Variants in RAD51B observed in about 807,000 individuals in gnomAD.
RAD51B encodes RAD51 paralog B.
A neutral mutation model predicts 42.2 loss-of-function variants in RAD51B; 38 were observed. The observed-to-expected ratio is 0.90, with a 90% confidence interval of 0.70 to 1.18. The LOEUF is 1.18. Ranked by LOEUF, RAD51B falls within the 50% of genes most tolerant of loss-of-function variation. RAD51B has a pLI of 0.00. For synonymous variants in RAD51B, 154 were observed against 145.2 expected, an observed-to-expected ratio of 1.06 and a Z score of -0.43; for missense variants, 373 against 400.7, an observed-to-expected ratio of 0.93 and a Z score of 0.59.
chr14:68,621,086 A>G (rs1048086162), intron 10 of RAD51B, among the ~76,000 whole-genome samples: 2 of 152,252 alleles, frequency 1.3e-5, no homozygotes, highest in Admixed American at 1.3e-4. Context: ...CCCTCATTGG[A>G]TTCTCTCACT....
chr14:68,128,536 A>T (rs932205340), intron 7 of RAD51B, among the ~76,000 whole-genome samples: 4 of 152,174 alleles, frequency 2.6e-5, no homozygotes, highest in African/African-American at 9.7e-5. Context: ...ACCAGAAAAT[A>T]CAAAAAATAG....
downstream of RAD51B, among the ~76,000 whole-genome samples, chr14:68,600,639 C>A (rs1240442451): frequency 1.3e-5 from 2 of 152,210 alleles, no homozygotes; most frequent in African/African-American, 2.4e-5. Flanking sequence ...TCCTTCCTTT[C>A]ATGGCCTGAT....
intron 5 of RAD51B, among the ~76,000 whole-genome samples, chr14:67,881,536 C>T (rs1451452947): frequency 6.6e-6 from 1 of 152,176 alleles, no homozygotes; most frequent in Non-Finnish European, 1.5e-5. Context: ...AAGTTCTAGC[C>T]ACCTTAGCTT....
chr14:68,288,087 AC>A (rs1484784828), intron 7 of RAD51B, among the ~76,000 whole-genome samples: 2 of 152,128 alleles, frequency 1.3e-5, no homozygotes, highest in Admixed American at 6.6e-5. Context: ...CAGCAGGAAA[AC>A]CCCATGAAGC....
chr14:68,436,447 G>A (rs1488203167), intron 9 of RAD51B, among the ~76,000 whole-genome samples: 1 of 152,098 alleles, frequency 6.6e-6, no homozygotes, highest in Non-Finnish European at 1.5e-5. Flanking sequence ...TTAAAGTCAG[G>A]TAATGTGATG....
At chr14:68,615,470 C>T (rs190111951), downstream of RAD51B, among the ~76,000 whole-genome samples, 21 of 152,192 alleles carry the variant, frequency 1.4e-4, no homozygotes, top group East Asian at 5.8e-4. Context: ...TTCAGCCTCC[C>T]GAGTAGCTGG....
At chr14:68,655,163 G>A (rs1012338170) in intron 11 of RAD51B, among the ~76,000 whole-genome samples, 7 of 152,012 alleles carry the variant, frequency 4.6e-5, no homozygotes, top group African/African-American at 7.3e-5. Flanking sequence ...ATGTGTGTGC[G>A]CCAGCTAGCT....
At chr14:68,107,390 G>A (rs1159640122) in intron 7 of RAD51B, among the ~76,000 whole-genome samples, 1 of 151,732 alleles carries the variant, frequency 6.6e-6, no homozygotes, top group African/African-American at 2.4e-5. Flanking sequence ...CATGAATCAG[G>A]AGACTTAATA....
At chr14:68,382,405 A>G (rs936993237) in intron 8 of RAD51B, among the ~76,000 whole-genome samples, 2 of 152,232 alleles carry the variant, frequency 1.3e-5, no homozygotes, top group African/African-American at 4.8e-5. Flanking sequence ...CATCAGCGCC[A>G]TAAGATATTT....
intron 11 of RAD51B, among the ~76,000 whole-genome samples, chr14:68,657,849 G>A (rs1892849372): frequency 6.6e-6 from 1 of 152,232 alleles, no homozygotes; most frequent in African/African-American, 2.4e-5. Flanking sequence ...TGGTGAGCCT[G>A]GTGGACCCAG....
chr14:68,032,261 C>G (rs2076058987), intron 7 of RAD51B, among the ~76,000 whole-genome samples: 2 of 152,122 alleles, frequency 1.3e-5, no homozygotes, highest in South Asian at 4.2e-4. Context: ...CTAGTGGCTC[C>G]TAACCTTATT....
intron 7 of RAD51B, among the ~76,000 whole-genome samples, chr14:67,927,183 A>G (rs886827265): frequency 6.6e-6 from 1 of 152,166 alleles, no homozygotes; most frequent in African/African-American, 2.4e-5. Context: ...TTTAAATAGG[A>G]CACCTTATAT....
At chr14:68,671,457 C>A (rs1431742194) in intron 11 of RAD51B, among the ~76,000 whole-genome samples, 1 of 152,128 alleles carries the variant, frequency 6.6e-6, no homozygotes, top group Non-Finnish European at 1.5e-5. Context: ...TATCCTCCTC[C>A]ATCCCTGCTC....
chr14:68,422,227 G>T, intron 9 of RAD51B: 1 of 929,466 alleles, frequency 1.1e-6, no homozygotes, highest in Non-Finnish European at 1.8e-6. Flanking sequence ...CCTCAGCGGT[G>T]GCGTCCGCAG....
chr14:67,969,659 A>G (rs2074858325), intron 7 of RAD51B, among the ~76,000 whole-genome samples: 1 of 152,198 alleles, frequency 6.6e-6, no homozygotes, highest in African/African-American at 2.4e-5. Flanking sequence ...TGATAAACTA[A>G]GAAGTTTTCT....
intron 10 of RAD51B, among the ~76,000 whole-genome samples, chr14:68,603,451 T>C (rs1891307020): frequency 6.6e-6 from 1 of 152,202 alleles, no homozygotes; most frequent in Non-Finnish European, 1.5e-5. Context: ...TCTTCCAAAT[T>C]GTCCTCTGTG....
chr14:68,021,758 T>C (rs923478000), intron 7 of RAD51B, among the ~76,000 whole-genome samples: 4 of 152,228 alleles, frequency 2.6e-5, no homozygotes, highest in East Asian at 3.8e-4. Flanking sequence ...ATAAAACTTA[T>C]GTTTGCACTG....
chr14:68,513,054 G>T (rs1885846194), intron 10 of RAD51B, among the ~76,000 whole-genome samples: 1 of 152,174 alleles, frequency 6.6e-6, no homozygotes, highest in Admixed American at 6.5e-5. Context: ...GGGGACAACT[G>T]TGATACATTA....
At chr14:68,298,617 A>C (rs1009695321) in intron 8 of RAD51B, among the ~76,000 whole-genome samples, 1 of 152,214 alleles carries the variant, frequency 6.6e-6, no homozygotes, top group Non-Finnish European at 1.5e-5. Context: ...TAAGGTCTCA[A>C]TGTCAAGAAA....
Sources: gnomAD v4.1 joint callset for allele counts (sites outside exome capture counted in the v4.1 genomes callset) on GRCh38, gnomAD v4.1.1 for gene constraint, MANE v1.5 for transcripts, NCBI Gene and HGNC (gene_info 2026-07-23, HGNC 2026-07-21) for gene names.